The following RAPGEF5 variants were observed in gnomAD, a reference collection of about 807,000 sequenced individuals.
RAPGEF5 encodes the protein Rap guanine nucleotide exchange factor 5.
In RAPGEF5, 65 loss-of-function variants were observed where a neutral mutation model predicts 125.2. That is an observed-to-expected ratio of 0.52 (90% CI 0.43 to 0.64). RAPGEF5 has a LOEUF of 0.64. RAPGEF5 is among the 30% of genes least tolerant of loss of function. The probability of loss-of-function intolerance (pLI) is 0.00; values close to 1 mark genes in which losing one functional copy is unlikely to be tolerated. For missense variants in RAPGEF5, 958 were observed against 1,048.1 expected (o/e 0.91, Z 1.19); for synonymous variants, 391 against 385.9 (o/e 1.01, Z -0.16).
chr7:22,279,278 T>C (rs1782622807), intron 6 of RAPGEF5, among the ~76,000 whole-genome samples: 1 of 152,206 alleles, frequency 6.6e-6, no homozygotes, highest in South Asian at 2.1e-4. Context: ...TTAAAGAACT[T>C]TCCTACCTGT....
intron 7 of RAPGEF5, among the ~76,000 whole-genome samples, chr7:22,254,587 G>A (rs1455583433): frequency 3.1e-5 from 4 of 129,262 alleles, no homozygotes; most frequent in Non-Finnish European, 4.7e-5. Context: ...CAGCCTGGGT[G>A]ACAAGAGCAA....
intron 1 of RAPGEF5, among the ~76,000 whole-genome samples, chr7:22,332,798 A>T (rs1783947726): frequency 6.6e-6 from 1 of 152,178 alleles, no homozygotes; most frequent in East Asian, 1.9e-4. Flanking sequence ...GTGGCACATT[A>T]AATCTTTAGC....
intron 21 of RAPGEF5, among the ~76,000 whole-genome samples, chr7:22,138,155 C>G (rs1219868656): frequency 6.6e-6 from 1 of 152,140 alleles, no homozygotes; most frequent in Non-Finnish European, 1.5e-5. Flanking sequence ...GTCTGTGGGA[C>G]ATCCCTCACA....
chr7:22,151,165 C>T (rs550362084), intron 17 of RAPGEF5, among the ~76,000 whole-genome samples: 95 of 152,162 alleles, frequency 6.2e-4, no homozygotes, highest in African/African-American at 2.1e-3. Context: ...AGTACTGGCA[C>T]GGGGCCTGGC....
intron 7 of RAPGEF5, among the ~76,000 whole-genome samples, chr7:22,243,349 C>T (rs77246172): frequency 6.6e-6 from 1 of 152,142 alleles, no homozygotes; most frequent in African/African-American, 2.4e-5. Flanking sequence ...CACTGTCTCC[C>T]GGATTCAAGT....
intron 7 of RAPGEF5, among the ~76,000 whole-genome samples, chr7:22,239,608 G>A (rs1309502700): frequency 6.6e-6 from 1 of 151,948 alleles, no homozygotes; most frequent in Admixed American, 6.6e-5. Context: ...CAGCAGAGAG[G>A]ACTCCATTTC....
intron 11 of RAPGEF5, among the ~76,000 whole-genome samples, chr7:22,187,899 G>T (rs1054641307): frequency 6.6e-6 from 1 of 152,130 alleles, no homozygotes; most frequent in South Asian, 2.1e-4. Flanking sequence ...CATCACCTGG[G>T]GAACTTTTAA....
At chr7:22,236,673 CTGCTACGGCA>C (rs1251999176) in intron 7 of RAPGEF5, among the ~76,000 whole-genome samples, 3 of 152,210 alleles carry the variant, frequency 2.0e-5, no homozygotes, top group Non-Finnish European at 4.4e-5. Flanking sequence ...CTCATGTAGG[CTGCTACGGCA>C]TGGCCTCTCC....
chr7:22,240,842 T>G (rs183437812), intron 7 of RAPGEF5, among the ~76,000 whole-genome samples: 2 of 152,308 alleles, frequency 1.3e-5, no homozygotes, highest in Admixed American at 6.5e-5. Flanking sequence ...TCTACACAAT[T>G]TCTCTCAGAA....
intron 11 of RAPGEF5, among the ~76,000 whole-genome samples, chr7:22,185,935 A>T (rs1583460938): frequency 6.6e-6 from 1 of 151,486 alleles, no homozygotes; most frequent in East Asian, 1.9e-4. Context: ...GCTCACTGAA[A>T]CCTCCCCCTC....
chr7:22,205,079 C>G (rs967937863), intron 9 of RAPGEF5, among the ~76,000 whole-genome samples: 3 of 152,118 alleles, frequency 2.0e-5, no homozygotes, highest in African/African-American at 7.2e-5. Context: ...AAAACAAATT[C>G]TCTTTTCCTG....
chr7:22,129,469 T>C (rs1015712607), intron 24 of RAPGEF5, among the ~76,000 whole-genome samples: 1 of 152,178 alleles, frequency 6.6e-6, no homozygotes, highest in African/African-American at 2.4e-5. Flanking sequence ...GCGAAGTAAA[T>C]ATTGACCAAA....
intron 9 of RAPGEF5, among the ~76,000 whole-genome samples, chr7:22,199,584 GAC>G (rs1785231618): frequency 7.1e-6 from 1 of 141,124 alleles, no homozygotes; most frequent in Non-Finnish European, 1.5e-5. Context: ...TGAGTCTGTG[GAC>G]ACAGATTTGT....
At chr7:22,203,672 G>A (rs751007771) in intron 9 of RAPGEF5, among the ~76,000 whole-genome samples, 1 of 152,200 alleles carries the variant, frequency 6.6e-6, no homozygotes, top group Non-Finnish European at 1.5e-5. Flanking sequence ...TGGTTAGAAG[G>A]CCCGAGGGAA....
intron 9 of RAPGEF5, among the ~76,000 whole-genome samples, chr7:22,204,313 G>C (rs1785348976): frequency 6.6e-6 from 1 of 152,190 alleles, no homozygotes; most frequent in Non-Finnish European, 1.5e-5. Context: ...AGCAGACCCA[G>C]CAGAAGTATT....
intron 23 of RAPGEF5, 58 bp downstream of exon 23, chr7:22,135,980 A>T: frequency 7.2e-7 from 1 of 1,390,986 alleles, no homozygotes; most frequent in Non-Finnish European, 1.0e-6. Context: ...CTCAATAGTT[A>T]CAGTAATAAA....
chr7:22,182,269 A>G (rs977430171), intron 11 of RAPGEF5, among the ~76,000 whole-genome samples: 1 of 152,232 alleles, frequency 6.6e-6, no homozygotes, highest in African/African-American at 2.4e-5. Flanking sequence ...GAGAGAGAGA[A>G]ACACAGAAAG....
Position 22,120,073 on chromosome 7 carries a change from G to GA in RAPGEF5, c.*2332dup. The stretch of plus-strand genomic sequence containing the variant: ...CTCTGGAGACAGTTGTTAAACTTCA[G>GA]AAAGATGCAGAGATTTTAGACATTC... On this transcript the variant is annotated 3_prime_UTR_variant, in exon 26 of 26. Coordinates refer to ENST00000665637, the MANE Select transcript of RAPGEF5 (RefSeq NM_012294.5). This position sits in a 1 kb window ranked among gnomAD's most constrained non-coding sequence, Gnocchi z 4.0. 1 of 152,338 alleles carries GA rather than the reference G, an allele frequency of 6.6e-6. No individual in the cohort carries two copies. Among genetic ancestry groups the GA allele is most frequent in the South Asian group, 2.1e-4 (1 of 4,820 alleles). The allele number at this position is 152,338 out of a possible 1,614,324, so 9.4% of individuals were successfully genotyped here.
intron 25 of RAPGEF5, among the ~76,000 whole-genome samples, chr7:22,123,029 G>C (rs1287081681): frequency 1.3e-5 from 2 of 152,058 alleles, no homozygotes; most frequent in African/African-American, 4.8e-5. Context: ...CAATTCTTTG[G>C]TATTCTCATT....
Sources: gnomAD v4.1 joint callset for allele counts (sites outside exome capture counted in the v4.1 genomes callset) on GRCh38, gnomAD v4.1.1 for gene constraint, Gnocchi (gnomAD v3.1) non-coding constraint, MANE v1.5 for transcripts, NCBI Gene and HGNC (gene_info 2026-07-23, HGNC 2026-07-21) for gene names.